PAPOLA: variants seen among roughly 807,000 people sequenced by gnomAD.
PAPOLA encodes polynucleotide adenylyltransferase alpha.
In PAPOLA, 15 loss-of-function variants were observed where a neutral mutation model predicts 100.6. The observed-to-expected ratio is 0.15, with a 90% CI of 0.10 to 0.23. The LOEUF (loss-of-function observed/expected upper bound fraction) is 0.23, where lower values mean the gene tolerates loss of function less well. PAPOLA is among the 10% of genes least tolerant of loss of function. The pLI, the probability that PAPOLA is intolerant of heterozygous loss-of-function variation, is 1.00. For missense variants in PAPOLA, 533 were observed against 884.2 expected, an observed-to-expected ratio of 0.60 and a Z score of 5.04; for synonymous variants, 293 against 300.0, an observed-to-expected ratio of 0.98 and a Z score of 0.24.
intron 1 of PAPOLA, 90 bp from the exon 2 acceptor site, chr14:96,519,965 T>C: frequency 9.2e-7 from 1 of 1,081,928 alleles, no homozygotes; most frequent in Non-Finnish European, 1.3e-6. Flanking sequence ...TTTAGAAATG[T>C]GTGTTACTAA....
intron 1 of PAPOLA, among the ~76,000 whole-genome samples, chr14:96,505,911 T>C (rs1040035431): frequency 6.6e-6 from 1 of 152,168 alleles, no homozygotes; most frequent in African/African-American, 2.4e-5. Flanking sequence ...CCTTCCTTGC[T>C]TCCTTCCGTT....
intron 17 of PAPOLA, among the ~76,000 whole-genome samples, chr14:96,554,128 A>T (rs752052693): frequency 1.3e-5 from 2 of 152,200 alleles, no homozygotes; most frequent in Non-Finnish European, 2.9e-5. Context: ...AAATAATTTC[A>T]CAAATTTAGT....
In PAPOLA at chr14:96,537,008, A is replaced by G; in HGVS notation, c.1063A>G (p.Lys355Glu). The change falls in exon 12 of 22, where the codon AAG becomes GAG. Residue 355 changes from lysine (K) to glutamate (E), a missense_variant. Lys to Glu is a moderately conservative substitution (Grantham distance 56). Transcript: ENST00000216277. ...TATCACAGATGAAATTTTGCTGAGT[A>G]AGGCAGAGTGGTCCAAACTTTTTGA... ...LAITDEILLS[K>E]AEWSKLFEAP... 1 of 1,609,300 alleles carries G rather than the reference A, an allele frequency of 6.2e-7. No homozygotes were observed. Among genetic ancestry groups the G allele is most frequent in the Non-Finnish European group, 8.5e-7 (1 of 1,175,728 alleles).
chr14:96,547,705 A>C (rs1256817804), intron 15 of PAPOLA, 92 bp from the exon 16 acceptor site: 2 of 917,154 alleles, frequency 2.2e-6, no homozygotes, highest in Non-Finnish European at 3.3e-6. Context: ...TGATGGAAAA[A>C]GGATCCCTAC....
At position 96,522,112 on chromosome 14, in the gene PAPOLA, C is replaced by CTTT. The variant is rs1350167869; in HGVS notation, c.249+1041_249+1043dup. ...GCCACTGCATCTAGCCTCTTTCTTT[C>CTTT]TTTCTTTTTTTTTTTTTTTTTTTTT... On this transcript the variant is annotated intron_variant, in intron 3 of 21. Coordinates refer to ENST00000216277, the MANE Select transcript of PAPOLA (RefSeq NM_032632.5). Among the ~76,000 whole-genome samples, 553 of 98,404 alleles carry CTTT rather than the reference C, an allele frequency of 5.6e-3. 16 individuals are homozygous for CTTT. The highest frequency in any genetic ancestry group is 7.6e-3 in the African/African-American group (150 of 19,644). 64.6% of individuals were successfully genotyped at this position (98,404 alleles called of 152,430 possible). A position where few individuals can be genotyped will look rare whatever the true frequency, so the allele number is the denominator to read the frequency against.
chr14:96,514,322 T>C (rs1406579419), intron 1 of PAPOLA, among the ~76,000 whole-genome samples: 2 of 151,930 alleles, frequency 1.3e-5, no homozygotes, highest in Non-Finnish European at 2.9e-5. Flanking sequence ...TACAGGCAAC[T>C]GCCACCACGC....
chr14:96,556,054 T>C, intron 18 of PAPOLA, 107 bp downstream of exon 18: 1 of 1,164,718 alleles, frequency 8.6e-7, no homozygotes, highest in Non-Finnish European at 1.3e-6. Context: ...GTTTTTTAAA[T>C]GCCAGTTTAT....
chr14:96,502,629 G>C (rs1227827010), intron 1 of PAPOLA, 29 bp downstream of exon 1: 12 of 1,566,148 alleles, frequency 7.7e-6, no homozygotes. Context: ...GTTTTCTTTC[G>C]CTCGCCGGCT....
intron 12 of PAPOLA, among the ~76,000 whole-genome samples, chr14:96,540,548 T>C (rs1402377855): frequency 1.3e-5 from 2 of 152,088 alleles, no homozygotes; most frequent in African/African-American, 2.4e-5. Flanking sequence ...ACACATAAAA[T>C]ACATGATTTT....
intron 20 of PAPOLA, among the ~76,000 whole-genome samples, chr14:96,562,261 G>GTGA (rs1261289273): frequency 6.6e-6 from 1 of 152,026 alleles, no homozygotes; most frequent in Non-Finnish European, 1.5e-5. Context: ...AAAGTTTAGA[G>GTGA]TGATGGCATG....
At chr14:96,560,814 T>G in intron 20 of PAPOLA, 103 bp downstream of exon 20, 4 of 761,378 alleles carry the variant, frequency 5.3e-6, no homozygotes, top group Non-Finnish European at 6.7e-6. Flanking sequence ...GGTTTTAGAT[T>G]TTTTTAGTAT....
intron 5 of PAPOLA, 187 bp from the exon 6 acceptor site, chr14:96,527,766 G>T (rs946240397): frequency 3.2e-6 from 2 of 625,420 alleles, no homozygotes; most frequent in Non-Finnish European, 5.7e-6. Flanking sequence ...AAATAATCTG[G>T]CCACAATCAT....
intron 3 of PAPOLA, among the ~76,000 whole-genome samples, chr14:96,521,953 CACCATGCCCA>C (rs1281600113): frequency 6.6e-6 from 1 of 151,748 alleles, no homozygotes; most frequent in East Asian, 1.9e-4. Flanking sequence ...AGGCGGGCGC[CACCATGCCCA>C]ACTATTGTTT....
In PAPOLA at chr14:96,502,560, G is replaced by A. The variant is rs758743228; in HGVS notation, c.-33G>A. On this transcript the variant is annotated 5_prime_UTR_variant, in exon 1 of 22. Transcript: ENST00000216277. ...GCGGCAGCGGCGGCGGTTGCGGGGG[G>A]GAAGTGACTGGGCGGTGCCGGCGCC... 3 of 1,537,376 alleles carry A rather than the reference G, an allele frequency of 2.0e-6. No individual in the cohort carries two copies. Among genetic ancestry groups the A allele is most frequent in the Non-Finnish European group, 2.6e-6 (3 of 1,137,924 alleles).
intron 4 of PAPOLA, 40 bp from the exon 5 acceptor site, chr14:96,527,390 G>T: frequency 8.6e-7 from 1 of 1,164,498 alleles, no homozygotes; most frequent in Non-Finnish European, 1.3e-6. Context: ...TAATTTTCTT[G>T]TAATATTAAT....
At chr14:96,553,424 T>C (rs1901016789) in intron 17 of PAPOLA, 1 of 151,926 alleles carries the variant, frequency 6.6e-6, no homozygotes, top group African/African-American at 2.4e-5. Flanking sequence ...GGTGGGAGGA[T>C]TGCTTGAACC....
chr14:96,526,175 GCTT>G (rs1898461556), intron 4 of PAPOLA: 2 of 152,164 alleles, frequency 1.3e-5, no homozygotes, highest in Non-Finnish European at 2.9e-5. Flanking sequence ...CATTTATTGA[GCTT>G]CTTTTCTTTC....
At chr14:96,530,146 AT>A (rs1389433462) in intron 6 of PAPOLA, among the ~76,000 whole-genome samples, 1 of 152,208 alleles carries the variant, frequency 6.6e-6, no homozygotes, top group Non-Finnish European at 1.5e-5. Context: ...TTTTGGCTGA[AT>A]ATAAGGCTAT....
chr14:96,516,642 A>G (rs1309606384), intron 1 of PAPOLA, among the ~76,000 whole-genome samples: 1 of 152,196 alleles, frequency 6.6e-6, no homozygotes, highest in African/African-American at 2.4e-5. Context: ...CCTGGCTCAT[A>G]TATATTCTTT....
Sources: gnomAD v4.1 joint callset for allele counts (sites outside exome capture counted in the v4.1 genomes callset) on GRCh38, gnomAD v4.1.1 for gene constraint, MANE v1.5 for transcripts, NCBI Gene and HGNC (gene_info 2026-07-23, HGNC 2026-07-21) for gene names.